Variants in ZDHHC14 observed in about 807,000 individuals in gnomAD.
ZDHHC14 encodes the protein zDHHC palmitoyltransferase 14.
A neutral mutation model predicts 47.7 loss-of-function variants in ZDHHC14; 16 were observed. The observed-to-expected ratio is 0.34, with a 90% CI of 0.23 to 0.51. The LOEUF (loss-of-function observed/expected upper bound fraction) is 0.51. ZDHHC14 is among the 20% of genes least tolerant of loss of function. The pLI, the probability that ZDHHC14 is intolerant of heterozygous loss-of-function variation, is 0.97. For missense variants in ZDHHC14, 515 were observed against 662.5 expected (o/e 0.78, Z 2.44); for synonymous variants, 293 against 278.9 (o/e 1.05, Z -0.50).
intron 3 of ZDHHC14, among the ~76,000 whole-genome samples, chr6:157,607,385 C>T (rs1027051353): frequency 1.3e-5 from 2 of 152,084 alleles, no homozygotes; most frequent in Admixed American, 6.5e-5. Flanking sequence ...TTTAAAGGCT[C>T]TTTTTTTAAA....
At chr6:157,509,318 G>A (rs1029600381) in intron 1 of ZDHHC14, among the ~76,000 whole-genome samples, 15 of 152,158 alleles carry the variant, frequency 9.9e-5, no homozygotes, top group African/African-American at 3.6e-4. Context: ...ATCCAGATGA[G>A]GAGTCTCAGG....
At chr6:157,518,004 G>T (rs565206810) in intron 1 of ZDHHC14, among the ~76,000 whole-genome samples, 2 of 152,126 alleles carry the variant, frequency 1.3e-5, no homozygotes, top group Admixed American at 1.3e-4. Context: ...CCCAGCCCCC[G>T]TGCATGGATG....
intron 2 of ZDHHC14, chr6:157,592,785 GC>G: frequency 7.2e-7 from 1 of 1,384,684 alleles, no homozygotes; most frequent in Non-Finnish European, 9.4e-7. Context: ...CAGTCACGTG[GC>G]CCCTGCACGT....
Position 157,445,203 on chromosome 6 carries a change from A to T in ZDHHC14, c.245+62937A>T, listed in dbSNP as rs145286281. Among the ~76,000 whole-genome samples, 632 of 151,840 alleles carry T rather than the reference A, an allele frequency of 4.2e-3. 5 individuals are homozygous for T. Among genetic ancestry groups the T allele is most frequent in the East Asian group, 0.016 (83 of 5,152 alleles). On this transcript the variant is annotated intron_variant, in intron 1 of 8. Transcript: ENST00000359775. ...TCATCATCATCATTTTATATATATAAAAACCTGTTGAAAATAATAGCTCTG... is the reference window on the plus strand; with the variant it reads ...TCATCATCATCATTTTATATATATATAAACCTGTTGAAAATAATAGCTCTG...
At chr6:157,645,669 C>T (rs1416248416) in intron 5 of ZDHHC14, 68 bp from the exon 6 acceptor site, 7 of 1,314,562 alleles carry the variant, frequency 5.3e-6, no homozygotes, top group African/African-American at 4.3e-5. Flanking sequence ...TGTTTCGGTT[C>T]CAGGCCTCCA....
chr6:157,442,566 A>G (rs916913648), intron 1 of ZDHHC14, among the ~76,000 whole-genome samples: 1 of 152,242 alleles, frequency 6.6e-6, no homozygotes, highest in African/African-American at 2.4e-5. Context: ...TGGTGGCAAG[A>G]TAAATATCAC....
chr6:157,573,386 C>T (rs888646076), intron 2 of ZDHHC14, among the ~76,000 whole-genome samples: 2 of 152,336 alleles, frequency 1.3e-5, no homozygotes, highest in South Asian at 4.1e-4. Context: ...GTCCTGCTCA[C>T]CTCACGAGGG....
intron 1 of ZDHHC14, among the ~76,000 whole-genome samples, chr6:157,506,335 TA>T (rs931862556): frequency 2.6e-5 from 4 of 152,200 alleles, no homozygotes; most frequent in African/African-American, 9.6e-5. Flanking sequence ...ATGAAAGGGT[TA>T]AACTGGACTA....
chr6:157,549,041 G>A (rs1782105964), intron 2 of ZDHHC14, among the ~76,000 whole-genome samples: 1 of 152,192 alleles, frequency 6.6e-6, no homozygotes, highest in Admixed American at 6.5e-5. Flanking sequence ...GTTTGCCAGA[G>A]GTCACTTGGC....
chr6:157,458,298 C>T (rs922096847), intron 1 of ZDHHC14, among the ~76,000 whole-genome samples: 3 of 152,020 alleles, frequency 2.0e-5, no homozygotes, highest in Admixed American at 6.6e-5. Flanking sequence ...TAATTAGACC[C>T]TAATAGTCCC....
intron 1 of ZDHHC14, among the ~76,000 whole-genome samples, chr6:157,453,788 T>TTTTTTTTTGTGTGTGTGTGTG (rs3220439): frequency 4.0e-5 from 6 of 148,196 alleles, no homozygotes; most frequent in African/African-American, 1.5e-4. Context: ...TTTTTGTGTT[T>TTTTTTTTTGTGTGTGTGTGTG]TGTGTGTGTG....
intron 1 of ZDHHC14, among the ~76,000 whole-genome samples, chr6:157,483,753 T>C (rs1779688703): frequency 6.6e-6 from 1 of 152,120 alleles, no homozygotes; most frequent in Admixed American, 6.5e-5. Flanking sequence ...TGCACATGGG[T>C]AGGTGTGCAC....
At chr6:157,560,368 G>A (rs970608686) in intron 2 of ZDHHC14, among the ~76,000 whole-genome samples, 8 of 152,198 alleles carry the variant, frequency 5.3e-5, no homozygotes, top group African/African-American at 1.4e-4. Context: ...CCACGTCCTC[G>A]TGAATCACCT....
At chr6:157,396,954 A>T (rs1777534317) in intron 1 of ZDHHC14, among the ~76,000 whole-genome samples, 1 of 152,224 alleles carries the variant, frequency 6.6e-6, no homozygotes, top group East Asian at 1.9e-4. Flanking sequence ...AGTGGCAATG[A>T]AGTAGAGTTC....
At chr6:157,401,980 C>T (rs555262483) in intron 1 of ZDHHC14, among the ~76,000 whole-genome samples, 14 of 149,192 alleles carry the variant, frequency 9.4e-5, no homozygotes, top group Non-Finnish European at 1.6e-4. Flanking sequence ...CTGCTGAGGT[C>T]ATAACTGCAG....
At chr6:157,414,001 A>G (rs1777922783) in intron 1 of ZDHHC14, among the ~76,000 whole-genome samples, 1 of 151,972 alleles carries the variant, frequency 6.6e-6, no homozygotes, top group Non-Finnish European at 1.5e-5. Flanking sequence ...CAGTGGTGCA[A>G]TTTTGGCTCA....
At chr6:157,664,631 C>T (rs1330147468) in intron 8 of ZDHHC14, among the ~76,000 whole-genome samples, 1 of 152,178 alleles carries the variant, frequency 6.6e-6, no homozygotes, top group Non-Finnish European at 1.5e-5. Context: ...TAGGGTCTTA[C>T]TTTAGGGCAT....
chr6:157,531,359 C>T (rs896542252), intron 1 of ZDHHC14, among the ~76,000 whole-genome samples: 5 of 152,042 alleles, frequency 3.3e-5, no homozygotes, highest in African/African-American at 1.2e-4. Flanking sequence ...GCCAGTCACT[C>T]GGTGCACCGT....
At chr6:157,388,939 C>T (rs1197538817) in intron 1 of ZDHHC14, among the ~76,000 whole-genome samples, 4 of 152,160 alleles carry the variant, frequency 2.6e-5, no homozygotes, top group African/African-American at 9.7e-5. Flanking sequence ...TTATCAGCAC[C>T]TTGCTTTGTC....
Sources: allele counts gnomAD v4.1 joint callset (sites outside exome capture counted in the v4.1 genomes callset), GRCh38; gene constraint gnomAD v4.1.1; transcripts MANE v1.5; gene names NCBI Gene and HGNC (gene_info 2026-07-23, HGNC 2026-07-21).